Variants in RAPGEF6 observed in about 807,000 individuals in gnomAD.
The protein encoded by RAPGEF6 is Rap guanine nucleotide exchange factor 6.
A neutral mutation model predicts 171.4 loss-of-function variants in RAPGEF6; 56 were observed. That is an observed-to-expected ratio of 0.33 (90% CI 0.26 to 0.41). The LOEUF (loss-of-function observed/expected upper bound fraction) is 0.41. Ranked by LOEUF, RAPGEF6 falls within the 10% of genes least tolerant of loss-of-function variation. The pLI is 1.00. For missense variants in RAPGEF6, 1,674 were observed against 1,921.4 expected (o/e 0.87, Z 2.41); for synonymous variants, 692 against 650.1 (o/e 1.06, Z -0.98).
At chr5:131,446,771 TAA>T in intron 21 of RAPGEF6, 68 bp from the exon 22 acceptor site, 1 of 1,404,082 alleles carries the variant, frequency 7.1e-7, no homozygotes, top group Non-Finnish European at 9.8e-7. Flanking sequence ...GATTGAAGAT[TAA>T]AAGATTTTGT....
intron 19 of RAPGEF6, among the ~76,000 whole-genome samples, chr5:131,458,565 G>A (rs923240489): frequency 2.6e-5 from 4 of 152,234 alleles, no homozygotes; most frequent in Non-Finnish European, 5.9e-5. Flanking sequence ...AGTGTTCTTG[G>A]ATGGCAAGAG....
chr5:131,561,768 G>A (rs891432647), intron 5 of RAPGEF6, among the ~76,000 whole-genome samples: 1 of 151,196 alleles, frequency 6.6e-6, no homozygotes, highest in Non-Finnish European at 1.5e-5. Context: ...CAAATTATAT[G>A]TAAGTGTATC....
chr5:131,558,572 G>C (rs1302556848), intron 5 of RAPGEF6, among the ~76,000 whole-genome samples: 4 of 152,002 alleles, frequency 2.6e-5, no homozygotes, highest in African/African-American at 9.7e-5. Flanking sequence ...ATACTTTACT[G>C]TCAGCCTTTG....
intron 4 of RAPGEF6, among the ~76,000 whole-genome samples, chr5:131,579,731 C>A (rs1429068931): frequency 6.6e-6 from 1 of 152,158 alleles, no homozygotes; most frequent in Non-Finnish European, 1.5e-5. Flanking sequence ...ACACAGAGCA[C>A]TGACTGGTGC....
chr5:131,566,749 A>G (rs1202630260), intron 4 of RAPGEF6, among the ~76,000 whole-genome samples: 3 of 141,036 alleles, frequency 2.1e-5, no homozygotes, highest in Non-Finnish European at 1.5e-5. Context: ...TTTTTTTTTG[A>G]GCCTTTTTTT....
chr5:131,535,482 G>A (rs1489355559), intron 6 of RAPGEF6, among the ~76,000 whole-genome samples: 1 of 152,082 alleles, frequency 6.6e-6, no homozygotes, highest in African/African-American at 2.4e-5. Flanking sequence ...ATTAAGTGCA[G>A]CAAAGGAGAA....
intron 13 of RAPGEF6, 133 bp from the exon 14 acceptor site, chr5:131,492,918 G>A: frequency 1.3e-6 from 1 of 773,472 alleles, no homozygotes; most frequent in Non-Finnish European, 2.1e-6. Flanking sequence ...TTGAAGAAGG[G>A]GGCACTCCCA....
At chr5:131,493,455 C>T (rs763347028) in intron 13 of RAPGEF6, among the ~76,000 whole-genome samples, 6 of 152,170 alleles carry the variant, frequency 3.9e-5, no homozygotes, top group Non-Finnish European at 8.8e-5. Flanking sequence ...TCTTTTAAAA[C>T]CTTTATTCAA....
At chr5:131,553,420 A>C (rs1419065302) in intron 5 of RAPGEF6, among the ~76,000 whole-genome samples, 1 of 152,180 alleles carries the variant, frequency 6.6e-6, no homozygotes. Flanking sequence ...AAGGTAAAAC[A>C]AAACAAAAAA....
intron 16 of RAPGEF6, among the ~76,000 whole-genome samples, chr5:131,478,348 T>C (rs1271072830): frequency 6.6e-6 from 1 of 152,210 alleles, no homozygotes; most frequent in Admixed American, 6.5e-5. Flanking sequence ...TGCTATATTA[T>C]GCTGTATCCA....
chr5:131,521,877 ACACACACACACACACTCT>A (rs1459370718), intron 6 of RAPGEF6, among the ~76,000 whole-genome samples: 32 of 123,684 alleles, frequency 2.6e-4, no homozygotes, highest in East Asian at 6.2e-4. Flanking sequence ...ACACACACAC[ACACACACACACACACTCT>A]CTCTCTCTCT....
chr5:131,461,658 T>C (rs1753942770), intron 19 of RAPGEF6, 47 bp downstream of exon 19: 1 of 1,507,160 alleles, frequency 6.6e-7, no homozygotes, highest in Admixed American at 2.0e-5. Context: ...CAGCTGCATG[T>C]AATGACAAAA....
At chr5:131,632,857 A>G (rs1766397535) in intron 1 of RAPGEF6, among the ~76,000 whole-genome samples, 1 of 152,184 alleles carries the variant, frequency 6.6e-6, no homozygotes. Flanking sequence ...AAGCACTACC[A>G]ATGCATCAGT....
At chr5:131,480,390 G>A (rs1182981185) in intron 15 of RAPGEF6, among the ~76,000 whole-genome samples, 2 of 152,152 alleles carry the variant, frequency 1.3e-5, no homozygotes, top group African/African-American at 2.4e-5. Flanking sequence ...CCTCACTACT[G>A]TAGTCAGGTT....
chr5:131,455,538 G>A lies in RAPGEF6; in HGVS notation c.3076+263C>T, dbSNP rs556789703. On this transcript the variant is annotated intron_variant, in intron 20 of 27. Coordinates refer to ENST00000509018, the MANE Select transcript of RAPGEF6 (RefSeq NM_016340.6). ...CTTCCAAAGTTCTGGGATTACAGGC[G>A]TGAGCCACCGCGTCCAGCTGAGCAA... 1.7e-4 allele frequency among the ~76,000 whole-genome samples: 26 copies of A among 152,304 alleles called. No homozygotes were observed. In the East Asian group the frequency reaches 2.9e-3, roughly 17 times the overall value.
At position 131,522,695 on chromosome 5, in the gene RAPGEF6, G is replaced by A. The variant is rs56121529; in HGVS notation, c.496-1174C>T. 6.4e-3 allele frequency among the ~76,000 whole-genome samples: 972 copies of A among 152,174 alleles called. 8 individuals are homozygous for A. The highest frequency in any genetic ancestry group is 0.022 in the African/African-American group (910 of 41,524). On this transcript the variant is annotated intron_variant, in intron 6 of 27. Coordinates refer to ENST00000509018, the MANE Select transcript of RAPGEF6 (RefSeq NM_016340.6). ...ACACACACAGTATCTGGCCTCTGAC[G>A]TTACTTTTTCTCCTAAGAATATTTT...
rs190968225 is a variant in RAPGEF6, at chr5:131,479,631, T to C, written c.1963A>G (p.Thr655Ala). The C allele has an allele frequency of 6.8e-5, 109 of 1,614,116 alleles. No individual in the cohort carries two copies. In the East Asian group the frequency reaches 2.1e-3, roughly 31 times the overall value. ...IQHVPGDIEQTSQEKGSKKVK... is the reference protein window; with the variant it reads ...IQHVPGDIEQASQEKGSKKVK... ...TTCTTACTTCCTTTCTCCTGTGATG[T>C]CTGTTCAATATCTCCTGGCACATGC... The change falls in exon 16 of 28, where the codon ACA (threonine) becomes GCA (alanine). Residue 655 changes from threonine to alanine, a missense_variant. By Grantham distance (58) the Thr-to-Ala change is moderately conservative. This residue lies in a region of RAPGEF6 where 1,116 missense variants were observed against 1,321.5 expected (regional missense o/e 0.84). Transcript: ENST00000509018.
chr5:131,459,720 G>A (rs1753779635), intron 19 of RAPGEF6, among the ~76,000 whole-genome samples: 1 of 151,984 alleles, frequency 6.6e-6, no homozygotes, highest in African/African-American at 2.4e-5. Flanking sequence ...TAATCTCCAA[G>A]ATAAATTAAA....
At chr5:131,541,353 T>C (rs554707151) in intron 6 of RAPGEF6, among the ~76,000 whole-genome samples, 1 of 152,282 alleles carries the variant, frequency 6.6e-6, no homozygotes, top group South Asian at 2.1e-4. Context: ...GGTAGAACTA[T>C]ATTAAGTGAA....
Sources: allele counts gnomAD v4.1 joint callset (sites outside exome capture counted in the v4.1 genomes callset), GRCh38; gene constraint gnomAD v4.1.1; regional missense constraint gnomAD v4.1.1; transcripts MANE v1.5; gene names NCBI Gene and HGNC (gene_info 2026-07-23, HGNC 2026-07-21).